The following ADAMTSL1 variants were observed in gnomAD, a reference collection of about 807,000 sequenced individuals.
The protein encoded by ADAMTSL1 is ADAMTS like 1.
A neutral mutation model predicts 201.8 loss-of-function variants in ADAMTSL1; 126 were observed. The ratio of observed to expected loss-of-function variants is 0.62; its 90% CI spans 0.54 to 0.72. The LOEUF (loss-of-function observed/expected upper bound fraction) is 0.72, where lower values mean the gene tolerates loss of function less well. ADAMTSL1 is among the 30% of genes least tolerant of loss of function. ADAMTSL1 has a pLI of 0.00. For missense variants in ADAMTSL1, 2,679 were observed against 2,277.8 expected, an observed-to-expected ratio of 1.18 and a Z score of -3.59; for synonymous variants, 1,121 against 903.4, an observed-to-expected ratio of 1.24 and a Z score of -4.32.
chr9:18,474,446 C>T, intron 1 of ADAMTSL1, 151 bp downstream of exon 1: 1 of 826,696 alleles, frequency 1.2e-6, no homozygotes, highest in Non-Finnish European at 1.9e-6. Flanking sequence ...AGAGAGAATA[C>T]TCCTTCTAGA....
intron 2 of ADAMTSL1, among the ~76,000 whole-genome samples, chr9:18,172,046 C>T (rs968439814): frequency 6.9e-6 from 1 of 144,760 alleles, no homozygotes; most frequent in Non-Finnish European, 1.5e-5. Context: ...CCAAAGACAG[C>T]ATGTTCTCAC....
At chr9:18,228,643 C>A (rs1248993937) in intron 2 of ADAMTSL1, among the ~76,000 whole-genome samples, 1 of 152,106 alleles carries the variant, frequency 6.6e-6, no homozygotes, top group Non-Finnish European at 1.5e-5. Context: ...TGGTTTTGAA[C>A]TCCCGGCCTC....
intron 2 of ADAMTSL1, among the ~76,000 whole-genome samples, chr9:18,315,621 G>T (rs2132821856): frequency 6.6e-6 from 1 of 152,260 alleles, no homozygotes. Flanking sequence ...CGGCCGCTCT[G>T]AGTGCGGGGC....
chr9:18,339,522 C>T (rs886925822), intron 2 of ADAMTSL1, among the ~76,000 whole-genome samples: 11 of 152,130 alleles, frequency 7.2e-5, no homozygotes, highest in African/African-American at 2.7e-4. Flanking sequence ...TAAATTAGTT[C>T]AGCCATTGTG....
chr9:18,323,591 G>T (rs1264730211), intron 2 of ADAMTSL1, among the ~76,000 whole-genome samples: 2 of 152,086 alleles, frequency 1.3e-5, no homozygotes, highest in Non-Finnish European at 2.9e-5. Context: ...TTGACAGACA[G>T]CATGGCTTTA....
At chr9:18,619,540 C>A (rs764043140) in intron 4 of ADAMTSL1, among the ~76,000 whole-genome samples, 2 of 152,138 alleles carry the variant, frequency 1.3e-5, no homozygotes, top group African/African-American at 2.4e-5. Flanking sequence ...CTAAGTCAGG[C>A]GTCTAGCCAA....
At chr9:18,059,317 G>A (rs1822344245) in intron 1 of ADAMTSL1, among the ~76,000 whole-genome samples, 1 of 152,036 alleles carries the variant, frequency 6.6e-6, no homozygotes, top group African/African-American at 2.4e-5. Flanking sequence ...GATAGTGCTT[G>A]GTGTTTGTAG....
At chr9:18,251,900 C>G (rs747980719) in intron 2 of ADAMTSL1, among the ~76,000 whole-genome samples, 11 of 152,098 alleles carry the variant, frequency 7.2e-5, no homozygotes, top group Non-Finnish European at 1.5e-4. Context: ...AACTGGATAG[C>G]ATTGCTGACA....
intron 4 of ADAMTSL1, among the ~76,000 whole-genome samples, chr9:18,615,277 C>G (rs1825625730): frequency 6.6e-6 from 1 of 152,076 alleles, no homozygotes; most frequent in African/African-American, 2.4e-5. Context: ...TTTTGGTACC[C>G]ATAACAAACC....
chr9:18,376,840 T>C (rs1035266500), intron 2 of ADAMTSL1, among the ~76,000 whole-genome samples: 1 of 152,206 alleles, frequency 6.6e-6, no homozygotes, highest in Non-Finnish European at 1.5e-5. Context: ...TTTGTTCAGA[T>C]AGTCAAGAAA....
At chr9:18,659,651 C>A (rs1828938543) in intron 8 of ADAMTSL1, among the ~76,000 whole-genome samples, 1 of 152,156 alleles carries the variant, frequency 6.6e-6, no homozygotes, top group Non-Finnish European at 1.5e-5. Flanking sequence ...CCTGTAATCC[C>A]AGCTACTTGG....
chr9:18,843,547 T>C (rs895920951), intron 23 of ADAMTSL1, among the ~76,000 whole-genome samples: 5 of 150,504 alleles, frequency 3.3e-5, no homozygotes, highest in African/African-American at 1.3e-4. Context: ...ATCTTTGTGG[T>C]GTTCTCTGTA....
rs937101516 is a variant in ADAMTSL1, at chr9:18,908,688, C to G, written c.*140C>G. On this transcript the variant is annotated 3_prime_UTR_variant, in exon 29 of 29. Transcript: ENST00000380548. Reference sequence around the variant, plus strand: ...CACACACCCTTCCAACCTCCTCCACCTCCACCTTCAAGCATAAGGACGTCC... The same window carrying G: ...CACACACCCTTCCAACCTCCTCCACGTCCACCTTCAAGCATAAGGACGTCC... 6.2e-6 allele frequency: 4 copies of G among 649,874 alleles called. No homozygotes were observed. In the African/African-American group the frequency reaches 7.3e-5, roughly 12 times the overall value. The allele number at this position is 649,874 out of a possible 1,614,324, so 40.3% of individuals were successfully genotyped here.
chr9:18,177,095 A>C (rs1478496040), intron 2 of ADAMTSL1, among the ~76,000 whole-genome samples: 1 of 152,034 alleles, frequency 6.6e-6, no homozygotes, highest in Non-Finnish European at 1.5e-5. Context: ...TGGCTTCCTG[A>C]CTCCATTTAG....
rs1478304764 is a variant in ADAMTSL1 at position 18,053,090 on chromosome 9, C to T, written c.88-110772C>T. Among the ~76,000 whole-genome samples the T allele has an allele frequency of 2.0e-5, 3 of 152,198 alleles. No individual in the cohort carries two copies. In the East Asian group the frequency reaches 5.8e-4, roughly 29 times the overall value. ...CAAAATCCATAAAGCTAAAGGAACA[C>T]ACCAAGTGTGGAGTTCTGTTCTTGC... is the stretch of plus-strand genomic sequence containing the variant. On this transcript the variant is annotated intron_variant, in intron 1 of 29. Coordinates refer to the ADAMTSL1 transcript ENST00000680146.
chr9:18,081,047 A>C (rs1271470181), intron 1 of ADAMTSL1, among the ~76,000 whole-genome samples: 1 of 152,252 alleles, frequency 6.6e-6, no homozygotes, highest in Admixed American at 6.5e-5. Flanking sequence ...CCTTACTTAT[A>C]AAGATGACTT....
At chr9:18,459,205 T>C (rs1193361794) in intron 2 of ADAMTSL1, among the ~76,000 whole-genome samples, 2 of 152,206 alleles carry the variant, frequency 1.3e-5, no homozygotes, top group African/African-American at 4.8e-5. Context: ...GAGAACTTAG[T>C]ATCTGTTCTC....
chr9:18,376,978 A>G (rs987815979), intron 2 of ADAMTSL1, among the ~76,000 whole-genome samples: 1 of 152,240 alleles, frequency 6.6e-6, no homozygotes, highest in Non-Finnish European at 1.5e-5. Flanking sequence ...AAACATTATC[A>G]TAGAAATTTC....
chr9:18,389,779 A>G (rs574648238), intron 2 of ADAMTSL1, among the ~76,000 whole-genome samples: 14 of 152,332 alleles, frequency 9.2e-5, no homozygotes, highest in African/African-American at 3.4e-4. Flanking sequence ...ATAAAAAGTA[A>G]ATCCCATAAA....
Sources: allele counts gnomAD v4.1 joint callset (sites outside exome capture counted in the v4.1 genomes callset), GRCh38; gene constraint gnomAD v4.1.1; transcripts MANE v1.5; gene names NCBI Gene and HGNC (gene_info 2026-07-23, HGNC 2026-07-21).